Variants in BTBD7 observed in about 807,000 individuals in gnomAD.
BTBD7 encodes BTB/POZ domain-containing protein 7.
In BTBD7, 38 loss-of-function variants were observed where a neutral mutation model predicts 99.9. The ratio of observed to expected loss-of-function variants is 0.38; its 90% confidence interval spans 0.29 to 0.50. The LOEUF is 0.50. Among genes scored for constraint, BTBD7 ranks in the 20% least tolerant of loss-of-function variants. BTBD7 has a pLI of 0.93. For missense variants in BTBD7, 1,170 were observed against 1,394.6 expected (o/e 0.84, Z 2.57); for synonymous variants, 520 against 511.4 (o/e 1.02, Z -0.23).
At chr14:93,298,139 T>C (rs561857768) in intron 1 of BTBD7, among the ~76,000 whole-genome samples, 7 of 152,284 alleles carry the variant, frequency 4.6e-5, no homozygotes, top group African/African-American at 1.4e-4. Context: ...CAAAGAAGAA[T>C]AGAGCCTTGC....
At chr14:93,314,422 G>A (rs2053175776) in intron 1 of BTBD7, among the ~76,000 whole-genome samples, 1 of 152,044 alleles carries the variant, frequency 6.6e-6, no homozygotes, top group African/African-American at 2.4e-5. Flanking sequence ...AATTTGGCCA[G>A]GTGACAGTTT....
intron 1 of BTBD7, among the ~76,000 whole-genome samples, chr14:93,306,800 A>G (rs921259542): frequency 3.3e-5 from 5 of 152,196 alleles, no homozygotes; most frequent in African/African-American, 1.2e-4. Flanking sequence ...TTCTCCTAAT[A>G]ATATATGTAT....
In BTBD7 at chr14:93,293,999, C is replaced by T; in HGVS notation, c.1021G>A (p.Val341Ile). 1 of 1,613,884 alleles carries T rather than the reference C, an allele frequency of 6.2e-7. No individual in the cohort carries two copies. The highest frequency in any genetic ancestry group is 8.5e-7 in the Non-Finnish European group (1 of 1,179,866). Residue 341 changes from valine (V) to isoleucine (I), a missense_variant, in exon 3 of 11, where the codon GTT (valine) becomes ATT (isoleucine). By Grantham distance (29) the Val-to-Ile change is conservative (BLOSUM62 3). This residue lies in a region of BTBD7 where 359 missense variants were observed against 497.9 expected (regional missense o/e 0.72). Transcript: ENST00000334746. The part of the protein sequence containing the change: ...CMYTDVVDLS[V>I]LHCSPSVGSL... ...CCCACAGAGGGGCTACAGTGCAAAACAGAGAGGTCCACCACGTCGGTATAC... is the reference window on the plus strand; with the variant it reads ...CCCACAGAGGGGCTACAGTGCAAAATAGAGAGGTCCACCACGTCGGTATAC...
intron 9 of BTBD7, among the ~76,000 whole-genome samples, chr14:93,248,162 TTC>T (rs2052333603): frequency 1.3e-5 from 2 of 152,220 alleles, no homozygotes; most frequent in African/African-American, 2.4e-5. Context: ...ACTCTGGATC[TTC>T]ATAACAATTT....
intron 1 of BTBD7, among the ~76,000 whole-genome samples, chr14:93,326,072 C>T (rs59180923): frequency 0.12 from 18,375 of 151,948 alleles, 1,416 homozygotes; most frequent in African/African-American, 0.22. Context: ...ACCACCACAG[C>T]GTGGTGGTTC....
rs958005359 is a variant in BTBD7, at chr14:93,238,736, G to C, written c.*3537C>G. 7 of 152,206 alleles carry C rather than the reference G, an allele frequency of 4.6e-5. No homozygotes were observed. Among genetic ancestry groups the C allele is most frequent in the Non-Finnish European group, 8.8e-5 (6 of 68,036 alleles). The allele number at this position is 152,206 out of a possible 1,614,324, so 9.4% of individuals were successfully genotyped here. On this transcript the variant is annotated 3_prime_UTR_variant, in exon 11 of 11. Coordinates refer to ENST00000334746, the MANE Select transcript of BTBD7 (RefSeq NM_001002860.4). ...GTCAATCCTTTCAACTCTAGAGAAT[G>C]ATGCATGGAGGTCGGCTTTGAGCCC...
chr14:93,277,502 G>C (rs1306990558), intron 3 of BTBD7, among the ~76,000 whole-genome samples: 2 of 152,124 alleles, frequency 1.3e-5, no homozygotes, highest in African/African-American at 4.8e-5. Flanking sequence ...AGACAGAAAG[G>C]ATATACCACT....
Position 93,242,566 on chromosome 14 carries a change from G to A in BTBD7, c.3106C>T (p.Arg1036Trp), listed in dbSNP as rs201317501. ...HLDVVEQPPQ[R>W]SDFPLAAPEN... ...GGGGCTGCCAAAGGAAAGTCTGACCGCTGGGGAGGTTGCTCAACGACATCC... is the reference window on the plus strand; with the variant it reads ...GGGGCTGCCAAAGGAAAGTCTGACCACTGGGGAGGTTGCTCAACGACATCC... Residue 1036 changes from arginine (R) to tryptophan (W), a missense_variant, in exon 11 of 11, where the codon CGG (arginine) becomes TGG (tryptophan). Around this residue, in one of 4 missense-constraint regions of BTBD7, gnomAD observed 495 missense variants for 525.9 expected, o/e 0.94. Transcript: ENST00000334746. 4.5e-5 allele frequency: 72 copies of A among 1,614,220 alleles called. 1 individual carries two copies. In the South Asian group the frequency reaches 6.6e-4, roughly 15 times the overall value.
intron 2 of BTBD7, 57 bp from the exon 3 acceptor site, chr14:93,294,994 G>GT: frequency 6.9e-7 from 1 of 1,441,442 alleles, no homozygotes; most frequent in Non-Finnish European, 9.1e-7. Context: ...CATTTTCAAC[G>GT]TTTAACATTT....
intron 3 of BTBD7, among the ~76,000 whole-genome samples, chr14:93,270,118 T>C (rs188393688): frequency 1.6e-4 from 24 of 152,312 alleles, no homozygotes; most frequent in African/African-American, 5.8e-4. Context: ...TTTTTTGAGA[T>C]GGAGTTTCAC....
chr14:93,286,080 T>C (rs1027829452), intron 3 of BTBD7, among the ~76,000 whole-genome samples: 35 of 152,180 alleles, frequency 2.3e-4, no homozygotes, highest in African/African-American at 8.2e-4. Context: ...ATGTCATCAA[T>C]GGCACCACTG....
At chr14:93,332,715 C>T (rs1221262779) in intron 1 of BTBD7, 105 bp downstream of exon 1, 5 of 1,336,356 alleles carry the variant, frequency 3.7e-6, no homozygotes, top group Non-Finnish European at 4.8e-6. Flanking sequence ...GCCCCAGCCC[C>T]GGCGCCCCCA....
chr14:93,305,288 A>T (rs8010260), intron 1 of BTBD7, among the ~76,000 whole-genome samples: 2,551 of 152,272 alleles, frequency 0.017, 78 homozygotes, highest in African/African-American at 0.059. Context: ...TTGCTATTTA[A>T]AGAATCTTTG....
At chr14:93,250,881 G>C (rs2052361445) in intron 8 of BTBD7, among the ~76,000 whole-genome samples, 1 of 152,212 alleles carries the variant, frequency 6.6e-6, no homozygotes. Context: ...GAAGGCCACA[G>C]ACTCAAAGGT....
chr14:93,295,379 C>T (rs992877515), intron 2 of BTBD7, among the ~76,000 whole-genome samples: 3 of 152,152 alleles, frequency 2.0e-5, no homozygotes, highest in African/African-American at 4.8e-5. Flanking sequence ...ATCTTCCTGC[C>T]TTGGCCTCCT....
chr14:93,282,607 A>G (rs2052733776), intron 3 of BTBD7, among the ~76,000 whole-genome samples: 1 of 152,164 alleles, frequency 6.6e-6, no homozygotes, highest in Admixed American at 6.5e-5. Flanking sequence ...TTGGAATTAC[A>G]GGCACGAGCC....
At chr14:93,275,415 T>A (rs12435762) in intron 3 of BTBD7, among the ~76,000 whole-genome samples, 12,637 of 152,234 alleles carry the variant, frequency 0.083, 559 homozygotes, top group Middle Eastern at 0.13. Flanking sequence ...GGCAAAAAAA[T>A]TTTTAAAGTT....
intron 1 of BTBD7, among the ~76,000 whole-genome samples, chr14:93,322,316 G>A (rs914945187): frequency 2.0e-5 from 3 of 151,588 alleles, no homozygotes; most frequent in Admixed American, 6.6e-5. Context: ...GTGTGATCTC[G>A]CTATGTTGCC....
At chr14:93,269,291 TC>T (rs1194416197) in intron 3 of BTBD7, among the ~76,000 whole-genome samples, 1 of 152,220 alleles carries the variant, frequency 6.6e-6, no homozygotes, top group Non-Finnish European at 1.5e-5. Context: ...TACAACTTTG[TC>T]AAGGTTATCA....
Sources: allele counts gnomAD v4.1 joint callset (sites outside exome capture counted in the v4.1 genomes callset), GRCh38; gene constraint gnomAD v4.1.1; regional missense constraint gnomAD v4.1.1; transcripts MANE v1.5; gene names NCBI Gene and HGNC (gene_info 2026-07-23, HGNC 2026-07-21).